CNTN4: variants seen among roughly 807,000 people sequenced by gnomAD.
The protein encoded by CNTN4 is contactin 4.
CNTN4 carries 77 observed loss-of-function variants against 122.5 expected under a neutral mutation model. The observed-to-expected ratio is 0.63, with a 90% CI of 0.52 to 0.76. The LOEUF is 0.76. Ranked by LOEUF, CNTN4 falls within the 30% of genes least tolerant of loss-of-function variation. CNTN4 has a pLI of 0.00. For missense variants in CNTN4, 1,256 were observed against 1,259.1 expected (o/e 1.00, Z 0.04); for synonymous variants, 512 against 447.0 (o/e 1.15, Z -1.83).
intron 6 of CNTN4, among the ~76,000 whole-genome samples, chr3:2,777,783 A>T (rs529519104): frequency 1.3e-5 from 2 of 152,380 alleles, no homozygotes; most frequent in Admixed American, 6.5e-5. Context: ...CCAAACATGC[A>T]TAACCAAATA....
chr3:2,784,688 C>T (rs767337623), intron 6 of CNTN4, among the ~76,000 whole-genome samples: 1 of 152,162 alleles, frequency 6.6e-6, no homozygotes, highest in Non-Finnish European at 1.5e-5. Context: ...TGGTGGCCGA[C>T]CTGGCTGGAT....
chr3:2,129,327 G>C (rs1157081033), intron 2 of CNTN4, among the ~76,000 whole-genome samples: 6 of 150,358 alleles, frequency 4.0e-5, no homozygotes, highest in African/African-American at 1.5e-4. Context: ...ATTGGGTGCA[G>C]CTATTTGTAA....
intron 14 of CNTN4, among the ~76,000 whole-genome samples, chr3:3,010,526 A>C (rs1364048017): frequency 6.6e-6 from 1 of 151,824 alleles, no homozygotes. Flanking sequence ...GGTTCCTAGG[A>C]CTCTAAAAGG....
intron 13 of CNTN4, among the ~76,000 whole-genome samples, chr3:2,946,156 A>G (rs1444134181): frequency 1.1e-4 from 17 of 152,180 alleles, no homozygotes; most frequent in Admixed American, 1.1e-3. Context: ...TGGGGGATGC[A>G]GCATATCACT....
At chr3:2,816,096 T>G (rs1319817206) in intron 6 of CNTN4, among the ~76,000 whole-genome samples, 1 of 151,526 alleles carries the variant, frequency 6.6e-6, no homozygotes, top group Non-Finnish European at 1.5e-5. Context: ...GGCTCACACC[T>G]GTAATCCCGG....
intron 2 of CNTN4, among the ~76,000 whole-genome samples, chr3:2,240,724 T>G (rs1321424741): frequency 5.3e-5 from 8 of 152,158 alleles, no homozygotes; most frequent in Admixed American, 6.6e-5. Context: ...CGAAGCTTAT[T>G]AAGACACTAA....
intron 13 of CNTN4, among the ~76,000 whole-genome samples, chr3:2,960,769 T>C (rs2094844720): frequency 6.6e-6 from 1 of 152,188 alleles, no homozygotes; most frequent in South Asian, 2.1e-4. Context: ...CTGCGTCATG[T>C]CCTTTGGTAG....
chr3:2,473,403 T>A (rs2075749829), intron 3 of CNTN4, among the ~76,000 whole-genome samples: 1 of 152,148 alleles, frequency 6.6e-6, no homozygotes, highest in South Asian at 2.1e-4. Flanking sequence ...ATACTAGCCA[T>A]TGTAAAGTTA....
intron 14 of CNTN4, among the ~76,000 whole-genome samples, chr3:2,995,472 C>A (rs1038969303): frequency 1.3e-5 from 2 of 152,228 alleles, no homozygotes; most frequent in African/African-American, 2.4e-5. Flanking sequence ...TGACTCCAGC[C>A]TGCCCATCAC....
intron 4 of CNTN4, among the ~76,000 whole-genome samples, chr3:2,582,111 T>A (rs1374383309): frequency 4.6e-5 from 7 of 152,202 alleles, no homozygotes; most frequent in Non-Finnish European, 1.0e-4. Flanking sequence ...TAAAAATCAC[T>A]TAACTGTACA....
intron 4 of CNTN4, among the ~76,000 whole-genome samples, chr3:2,590,457 A>G (rs1455745501): frequency 1.3e-5 from 2 of 151,710 alleles, no homozygotes; most frequent in Non-Finnish European, 2.9e-5. Context: ...GGGTTTCACC[A>G]TGTTGGCCAG....
At chr3:2,149,587 A>G (rs1483816809) in intron 2 of CNTN4, among the ~76,000 whole-genome samples, 4 of 152,310 alleles carry the variant, frequency 2.6e-5, no homozygotes, top group East Asian at 3.9e-4. Context: ...ACACTATTTG[A>G]TGTTCTTAAA....
rs182776177 is a variant in CNTN4 at position 2,444,345 on chromosome 3, C to A, written c.-89+105112C>A. Among the ~76,000 whole-genome samples the A allele has an allele frequency of 1.7e-3, 263 of 152,204 alleles. 2 individuals carry two copies. Among genetic ancestry groups the A allele is most frequent in the African/African-American group, 6.1e-3 (252 of 41,526 alleles). On this transcript the variant is annotated intron_variant, in intron 3 of 24. Coordinates refer to ENST00000418658, the MANE Select transcript of CNTN4 (RefSeq NM_175607.3). ...AGAGGCAGTGGCGACATTAGGTATG[C>A]TGTTCCGGAGAGTCCTCTCTGAGGA...
intron 2 of CNTN4, among the ~76,000 whole-genome samples, chr3:2,191,855 A>G (rs907572128): frequency 3.9e-5 from 6 of 151,974 alleles, no homozygotes; most frequent in South Asian, 4.1e-4. Flanking sequence ...CATTAGGTAT[A>G]TCTCCTAATG....
chr3:2,366,485 T>TG (rs2045382997), intron 3 of CNTN4, among the ~76,000 whole-genome samples: 1 of 152,042 alleles, frequency 6.6e-6, no homozygotes, highest in Admixed American at 6.5e-5. Flanking sequence ...CCCAGCACTT[T>TG]GGGAGGCCGA....
At chr3:2,529,942 G>A (rs1483951376) in intron 3 of CNTN4, among the ~76,000 whole-genome samples, 1 of 152,148 alleles carries the variant, frequency 6.6e-6, no homozygotes, top group Non-Finnish European at 1.5e-5. Flanking sequence ...TGCAGTAGAT[G>A]AGCTCCTTGC....
intron 2 of CNTN4, among the ~76,000 whole-genome samples, chr3:2,205,790 A>C (rs1321037837): frequency 6.6e-6 from 1 of 151,788 alleles, no homozygotes; most frequent in African/African-American, 2.4e-5. Context: ...TTTCAAAAAA[A>C]CAGCTGTTTG....
At chr3:2,565,962 T>G (rs2079140849) in intron 3 of CNTN4, among the ~76,000 whole-genome samples, 1 of 152,230 alleles carries the variant, frequency 6.6e-6, no homozygotes, top group Non-Finnish European at 1.5e-5. Flanking sequence ...TTTATGTTGT[T>G]CTTACACTTA....
At chr3:2,149,325 C>G (rs2035392350) in intron 2 of CNTN4, among the ~76,000 whole-genome samples, 2 of 152,106 alleles carry the variant, frequency 1.3e-5, no homozygotes, top group African/African-American at 4.8e-5. Flanking sequence ...TGTCTGTTTT[C>G]ATGCGGAGCA....
Sources: allele counts gnomAD v4.1 joint callset (sites outside exome capture counted in the v4.1 genomes callset), GRCh38; gene constraint gnomAD v4.1.1; transcripts MANE v1.5; gene names NCBI Gene and HGNC (gene_info 2026-07-23, HGNC 2026-07-21).